Variants in NEGR1 observed in about 807,000 individuals in gnomAD.
NEGR1 encodes neuronal growth regulator 1, also known as IgLON family member 4.
In NEGR1, 10 loss-of-function variants were observed where a neutral mutation model predicts 40.9. The observed-to-expected ratio is 0.24, with a 90% CI of 0.15 to 0.42. The LOEUF is 0.42. Ranked by LOEUF, NEGR1 falls within the 10% of genes least tolerant of loss-of-function variation. The pLI is 1.00. For synonymous variants in NEGR1, 185 were observed against 166.8 expected, an observed-to-expected ratio of 1.11 and a Z score of -0.84; for missense variants, 352 against 438.9, an observed-to-expected ratio of 0.80 and a Z score of 1.77.
intron 6 of NEGR1, among the ~76,000 whole-genome samples, chr1:71,428,930 C>G (rs947615162): frequency 6.6e-6 from 1 of 151,868 alleles, no homozygotes; most frequent in Non-Finnish European, 1.5e-5. Context: ...TTTAAAACTC[C>G]CTTTGGATTT....
chr1:71,502,165 C>A (rs1004128266), intron 6 of NEGR1, among the ~76,000 whole-genome samples: 1 of 152,030 alleles, frequency 6.6e-6, no homozygotes, highest in East Asian at 1.9e-4. Flanking sequence ...GCTCATGCAC[C>A]CAGAAGGTCA....
chr1:71,877,734 T>C (rs1660472491), intron 2 of NEGR1, among the ~76,000 whole-genome samples: 1 of 152,172 alleles, frequency 6.6e-6, no homozygotes, highest in African/African-American at 2.4e-5. Context: ...TTATACATTT[T>C]ATAATAAATA....
At chr1:72,231,726 C>T (rs892687922) in intron 1 of NEGR1, among the ~76,000 whole-genome samples, 1 of 151,978 alleles carries the variant, frequency 6.6e-6, no homozygotes, top group African/African-American at 2.4e-5. Flanking sequence ...AAACAGGAGC[C>T]ATGTTACATT....
chr1:71,796,929 T>C (rs761908969), intron 2 of NEGR1, among the ~76,000 whole-genome samples: 1 of 152,166 alleles, frequency 6.6e-6, no homozygotes, highest in African/African-American at 2.4e-5. Context: ...TAAAGATTAC[T>C]AGGGGCTTAA....
rs1646260393 is a variant in NEGR1 at position 71,403,870 on chromosome 1, A to C, written c.*3576T>G. On this transcript the variant is annotated 3_prime_UTR_variant, in exon 7 of 7. Transcript: ENST00000357731. ...AGTCTTTAAAGTAAATACATATTCAAAGAATCTTAAGGCATACCATTTATT... is the reference window on the plus strand; with the variant it reads ...AGTCTTTAAAGTAAATACATATTCACAGAATCTTAAGGCATACCATTTATT... 1 of 383,116 alleles carries C rather than the reference A, an allele frequency of 2.6e-6. No homozygotes were observed. The highest frequency in any genetic ancestry group is 4.5e-5 in the Admixed American group (1 of 22,112). The allele number at this position is 383,116 out of a possible 1,614,324, so 23.7% of individuals were successfully genotyped here.
chr1:71,904,314 C>T (rs888108894), intron 2 of NEGR1, among the ~76,000 whole-genome samples: 5 of 151,982 alleles, frequency 3.3e-5, no homozygotes, highest in Non-Finnish European at 7.4e-5. Context: ...TTATTAATAA[C>T]TATTATGTGC....
At chr1:71,577,463 A>C (rs1649001766) in intron 6 of NEGR1, among the ~76,000 whole-genome samples, 1 of 152,192 alleles carries the variant, frequency 6.6e-6, no homozygotes, top group African/African-American at 2.4e-5. Context: ...GAGAAATATA[A>C]ACAGAAACCC....
At chr1:71,650,753 T>C (rs1651685554) in intron 4 of NEGR1, among the ~76,000 whole-genome samples, 1 of 152,170 alleles carries the variant, frequency 6.6e-6, no homozygotes, top group Non-Finnish European at 1.5e-5. Context: ...AAAATGGAAT[T>C]GTGATTTTGT....
At chr1:71,627,424 C>T (rs915900654) in intron 4 of NEGR1, among the ~76,000 whole-genome samples, 12 of 152,028 alleles carry the variant, frequency 7.9e-5, no homozygotes, top group African/African-American at 2.9e-4. Context: ...TAGCATTTGT[C>T]TATGACTCCC....
At chr1:72,155,036 A>C (rs1197013373) in intron 1 of NEGR1, among the ~76,000 whole-genome samples, 1 of 151,994 alleles carries the variant, frequency 6.6e-6, no homozygotes, top group Non-Finnish European at 1.5e-5. Flanking sequence ...GCAATCCTTA[A>C]ATGAACTCTG....
chr1:71,990,806 A>G (rs2100357551), intron 1 of NEGR1, among the ~76,000 whole-genome samples: 1 of 151,612 alleles, frequency 6.6e-6, no homozygotes, highest in East Asian at 1.9e-4. Flanking sequence ...TGTTCTTTTC[A>G]CTCTGCATTT....
At chr1:71,863,928 T>C (rs1660028524) in intron 2 of NEGR1, among the ~76,000 whole-genome samples, 1 of 152,156 alleles carries the variant, frequency 6.6e-6, no homozygotes, top group South Asian at 2.1e-4. Context: ...ATTGAATCTT[T>C]CCACAACATT....
chr1:72,162,620 T>G (rs898971778), intron 1 of NEGR1, among the ~76,000 whole-genome samples: 2 of 152,196 alleles, frequency 1.3e-5, no homozygotes, highest in Admixed American at 1.3e-4. Context: ...AAACACAACA[T>G]AGCCAAGAAA....
At chr1:71,753,189 C>T (rs1266990149) in intron 3 of NEGR1, among the ~76,000 whole-genome samples, 1 of 151,934 alleles carries the variant, frequency 6.6e-6, no homozygotes, top group Non-Finnish European at 1.5e-5. Context: ...TAATATATTG[C>T]CTGGCAGACA....
chr1:71,590,901 C>G lies in NEGR1; in HGVS notation c.940+1916G>C, dbSNP rs187664528. Among the ~76,000 whole-genome samples the G allele has an allele frequency of 6.4e-3, 973 of 152,222 alleles. 8 individuals carry two copies. Among genetic ancestry groups the G allele is most frequent in the African/African-American group, 0.023 (939 of 41,542 alleles). ...AATTCATTTATTCACTAAAGATTTA[C>G]TCCTTGCTTATTAAATAGCAGGTGC... is the stretch of plus-strand genomic sequence containing the variant. On this transcript the variant is annotated intron_variant, in intron 6 of 6. Coordinates refer to ENST00000357731, the MANE Select transcript of NEGR1 (RefSeq NM_173808.3).
intron 1 of NEGR1, among the ~76,000 whole-genome samples, chr1:72,114,009 T>C (rs1649486374): frequency 6.6e-6 from 1 of 151,760 alleles, no homozygotes; most frequent in South Asian, 2.1e-4. Flanking sequence ...CTACTAATCA[T>C]AAAACCATAT....
chr1:71,862,756 AAAAC>A (rs1294544072), intron 2 of NEGR1, among the ~76,000 whole-genome samples: 18 of 152,256 alleles, frequency 1.2e-4, no homozygotes, highest in African/African-American at 4.3e-4. Context: ...TTATAACAAA[AAAAC>A]AAACAACACC....
chr1:72,140,838 C>T (rs1650648634), intron 1 of NEGR1, among the ~76,000 whole-genome samples: 1 of 151,828 alleles, frequency 6.6e-6, no homozygotes, highest in African/African-American at 2.4e-5. Flanking sequence ...AGAACTTTTT[C>T]ACCTATTTAC....
chr1:71,694,045 T>C (rs1323040540), intron 4 of NEGR1, among the ~76,000 whole-genome samples: 1 of 151,850 alleles, frequency 6.6e-6, no homozygotes, highest in East Asian at 1.9e-4. Context: ...TTTTGTTTTG[T>C]TTTTCAATTC....
Sources: gnomAD v4.1 joint callset for allele counts (sites outside exome capture counted in the v4.1 genomes callset) on GRCh38, gnomAD v4.1.1 for gene constraint, MANE v1.5 for transcripts, NCBI Gene and HGNC (gene_info 2026-07-23, HGNC 2026-07-21) for gene names.